NRXN3: variants seen among roughly 807,000 people sequenced by gnomAD.
The protein encoded by NRXN3 is neurexin III.
NRXN3 carries 32 observed loss-of-function variants against 137.6 expected under a neutral mutation model. The ratio of observed to expected loss-of-function variants is 0.23; its 90% CI spans 0.18 to 0.31. The LOEUF (loss-of-function observed/expected upper bound fraction) is 0.31, where lower values mean the gene tolerates loss of function less well. Among genes scored for constraint, NRXN3 ranks in the 10% least tolerant of loss-of-function variants. The probability of loss-of-function intolerance (pLI) is 1.00; values close to 1 mark genes in which losing one functional copy is unlikely to be tolerated. For synonymous variants in NRXN3, 798 were observed against 784.5 expected (o/e 1.02, Z -0.29); for missense variants, 1,574 against 2,062.5 (o/e 0.76, Z 4.59).
intron 19 of NRXN3, among the ~76,000 whole-genome samples, chr14:79,769,669 A>T (rs1168814909): frequency 6.6e-6 from 1 of 152,246 alleles, no homozygotes; most frequent in Admixed American, 6.5e-5. Flanking sequence ...CTGCAAAATC[A>T]TGCCAAAAGG....
At chr14:79,500,850 ATATGACCTT>A (rs2096819246) in intron 16 of NRXN3, among the ~76,000 whole-genome samples, 1 of 152,242 alleles carries the variant, frequency 6.6e-6, no homozygotes, top group African/African-American at 2.4e-5. Flanking sequence ...ACTTCTCTTA[ATATGACCTT>A]AGGTAAAGCC....
At chr14:79,238,151 G>A (rs2153326806) in intron 15 of NRXN3, among the ~76,000 whole-genome samples, 1 of 151,960 alleles carries the variant, frequency 6.6e-6, no homozygotes, top group South Asian at 2.1e-4. Flanking sequence ...CTTACAAGCG[G>A]GTGTGCTTAG....
chr14:78,435,616 C>T (rs1176636897), intron 4 of NRXN3, among the ~76,000 whole-genome samples: 1 of 152,208 alleles, frequency 6.6e-6, no homozygotes, highest in Non-Finnish European at 1.5e-5. Flanking sequence ...TTCTATTCCC[C>T]TCCCAGTCCC....
intron 7 of NRXN3, among the ~76,000 whole-genome samples, chr14:78,710,821 G>A (rs2098401033): frequency 6.6e-6 from 1 of 152,182 alleles, no homozygotes. Context: ...GAGGGCAGAT[G>A]GGTGGCAGAT....
chr14:79,162,839 A>G (rs1308444021), intron 15 of NRXN3, among the ~76,000 whole-genome samples: 1 of 150,682 alleles, frequency 6.6e-6, no homozygotes, highest in Non-Finnish European at 1.5e-5. Flanking sequence ...TCTACTCCCC[A>G]TTTCCTCCCC....
In NRXN3 at chr14:78,733,167, A is replaced by G. The variant is rs77379480; in HGVS notation, c.2044+18028A>G. 0.012 allele frequency among the ~76,000 whole-genome samples: 1,760 copies of G among 152,166 alleles called. 110 individuals carry two copies. The East Asian group carries it at 0.21, about 18-fold the overall frequency. The stretch of plus-strand genomic sequence containing the variant: ...TTTTGAAATAATAATCTGGTTACTG[A>G]ATTAGACACCAAGCTCATGGAAAGC... On this transcript the variant is annotated intron_variant, in intron 8 of 20. Transcript: ENST00000335750.
At chr14:78,971,120 C>T (rs554034091) in intron 14 of NRXN3, among the ~76,000 whole-genome samples, 1 of 152,090 alleles carries the variant, frequency 6.6e-6, no homozygotes, top group Admixed American at 6.5e-5. Context: ...CAAGAGATCC[C>T]AGGAGCATTT....
intron 4 of NRXN3, among the ~76,000 whole-genome samples, chr14:78,527,991 G>C (rs1053303254): frequency 6.6e-6 from 1 of 152,206 alleles, no homozygotes; most frequent in East Asian, 1.9e-4. Flanking sequence ...GCAGACAACT[G>C]TCTGCTGCTT....
intron 15 of NRXN3, among the ~76,000 whole-genome samples, chr14:79,067,742 T>G (rs1456820722): frequency 6.6e-6 from 1 of 152,088 alleles, no homozygotes; most frequent in African/African-American, 2.4e-5. Context: ...AATGACCTCA[T>G]TTTAACTTTG....
intron 8 of NRXN3, among the ~76,000 whole-genome samples, chr14:78,753,517 A>G (rs1362584025): frequency 6.6e-6 from 1 of 152,226 alleles, no homozygotes; most frequent in Non-Finnish European, 1.5e-5. Flanking sequence ...CCTGTGGATT[A>G]GAGGAAAACT....
At chr14:78,396,245 C>T (rs2091443342) in intron 4 of NRXN3, among the ~76,000 whole-genome samples, 1 of 151,898 alleles carries the variant, frequency 6.6e-6, no homozygotes, top group Admixed American at 6.6e-5. Flanking sequence ...AGTGTGGAAA[C>T]CTTTATGTAA....
At position 78,766,501 on chromosome 14, in the gene NRXN3, A is replaced by G. The variant is rs982738095; in HGVS notation, c.2045-37119A>G. On this transcript the variant is annotated intron_variant, in intron 8 of 20. Coordinates refer to ENST00000335750, the MANE Select transcript of NRXN3 (RefSeq NM_001330195.2). ...ATCAATAATTTGCAGCTCGAGGTCT[A>G]TGTCTAAAGGATAAGAGTTTCCACA... 2.6e-5 allele frequency among the ~76,000 whole-genome samples: 4 copies of G among 152,332 alleles called. No homozygotes were observed. The South Asian group carries it at 6.2e-4, about 24-fold the overall frequency.
intron 8 of NRXN3, among the ~76,000 whole-genome samples, chr14:78,760,838 G>C (rs2098690064): frequency 6.6e-6 from 1 of 152,084 alleles, no homozygotes. Context: ...AGGCAAAAAT[G>C]GTTGGGATTT....
intron 15 of NRXN3, among the ~76,000 whole-genome samples, chr14:79,417,650 C>A (rs536622270): frequency 6.6e-6 from 1 of 152,088 alleles, no homozygotes; most frequent in Non-Finnish European, 1.5e-5. Context: ...TCGTTAATCA[C>A]CCCATGTAAT....
intron 15 of NRXN3, among the ~76,000 whole-genome samples, chr14:79,208,730 C>T (rs1279313512): frequency 6.6e-6 from 1 of 151,948 alleles, no homozygotes; most frequent in Non-Finnish European, 1.5e-5. Context: ...TCTATTATGA[C>T]AAAAAATGTT....
At chr14:78,563,173 GAA>G (rs753193359) in intron 4 of NRXN3, among the ~76,000 whole-genome samples, 1 of 152,156 alleles carries the variant, frequency 6.6e-6, no homozygotes, top group Non-Finnish European at 1.5e-5. Context: ...AAACCAGGCA[GAA>G]AAAATAAAAT....
intron 15 of NRXN3, among the ~76,000 whole-genome samples, chr14:79,445,338 CAA>C (rs374678294): frequency 7.7e-6 from 1 of 130,462 alleles, no homozygotes. Context: ...GACCCCATCT[CAA>C]AAAAAAAAAG....
chr14:79,701,359 C>G (rs1034332181), intron 19 of NRXN3, among the ~76,000 whole-genome samples: 1 of 152,096 alleles, frequency 6.6e-6, no homozygotes, highest in Non-Finnish European at 1.5e-5. Context: ...AATTTGGGCA[C>G]AGTTCAGCAA....
At chr14:78,448,000 C>A (rs2094460476) in intron 4 of NRXN3, among the ~76,000 whole-genome samples, 1 of 152,144 alleles carries the variant, frequency 6.6e-6, no homozygotes, top group Non-Finnish European at 1.5e-5. Context: ...CCATCCTGTG[C>A]CTTTGTGTGT....
Sources: allele counts gnomAD v4.1 joint callset (sites outside exome capture counted in the v4.1 genomes callset), GRCh38; gene constraint gnomAD v4.1.1; transcripts MANE v1.5; gene names NCBI Gene and HGNC (gene_info 2026-07-23, HGNC 2026-07-21).